Variants in HTR1F observed in about 807,000 individuals in gnomAD.
HTR1F encodes the protein 5-hydroxytryptamine receptor 1F, also known as 5-hydroxytryptamine (serotonin) receptor 1F, G protein-coupled.
A neutral mutation model predicts 24.0 loss-of-function variants in HTR1F; 17 were observed. The ratio of observed to expected loss-of-function variants is 0.71; its 90% confidence interval spans 0.48 to 1.06. HTR1F has a LOEUF of 1.06. Among genes scored for constraint, HTR1F ranks in the 50% least tolerant of loss-of-function variants. The probability of loss-of-function intolerance (pLI) is 0.00; values close to 1 mark genes in which losing one functional copy is unlikely to be tolerated. For synonymous variants in HTR1F, 186 were observed against 156.8 expected (o/e 1.19, Z -1.39); for missense variants, 391 against 427.8 (o/e 0.91, Z 0.76).
intron 2 of HTR1F, among the ~76,000 whole-genome samples, chr3:87,928,322 G>C (rs1474172356): frequency 2.0e-5 from 3 of 152,086 alleles, no homozygotes; most frequent in Non-Finnish European, 4.4e-5. Flanking sequence ...CTGGATTACA[G>C]GCACGAGCCA....
At chr3:87,884,976 C>T (rs1575986842) in intron 2 of HTR1F, among the ~76,000 whole-genome samples, 1 of 152,194 alleles carries the variant, frequency 6.6e-6, no homozygotes, top group South Asian at 2.1e-4. Flanking sequence ...GAACTCAGCT[C>T]TGCATCAAGC....
Position 87,869,420 on chromosome 3 carries a change from G to GATACATACATAC in HTR1F, c.-43+47299_-43+47300insCATACATACATA, listed in dbSNP as rs1305333411. Among the ~76,000 whole-genome samples, 250 of 136,414 alleles carry GATACATACATAC rather than the reference G, an allele frequency of 1.8e-3. 1 individual carries two copies. Among genetic ancestry groups the GATACATACATAC allele is most frequent in the African/African-American group, 7.0e-3 (237 of 33,668 alleles). 89.5% of individuals were successfully genotyped at this position (136,414 alleles called of 152,430 possible). A position where few individuals can be genotyped will look rare whatever the true frequency, so the allele number is the denominator to read the frequency against. On this transcript the variant is annotated intron_variant, in intron 2 of 2. Transcript: ENST00000319595. ...AGATAGATAGATAGATAGATAGATA[G>GATACATACATAC]ATAGATAGATAGATACATAGATAGA...
chr3:87,909,986 C>A (rs1344484522), intron 2 of HTR1F, among the ~76,000 whole-genome samples: 2 of 152,038 alleles, frequency 1.3e-5, no homozygotes, highest in East Asian at 3.8e-4. Context: ...TTAATACAGA[C>A]TAACTACAAT....
At chr3:87,840,208 T>A (rs1281253189) in intron 2 of HTR1F, among the ~76,000 whole-genome samples, 1 of 152,190 alleles carries the variant, frequency 6.6e-6, no homozygotes, top group Non-Finnish European at 1.5e-5. Flanking sequence ...GGTTATTTCT[T>A]TTTTGCTTGT....
At chr3:87,990,569 C>A in intron 2 of HTR1F, 139 bp from the exon 3 acceptor site, 1 of 515,112 alleles carries the variant, frequency 1.9e-6, no homozygotes, top group Non-Finnish European at 3.4e-6. Context: ...AAACTAAAAC[C>A]TTCAATCTGA....
chr3:87,877,887 T>C (rs939848649), intron 2 of HTR1F, among the ~76,000 whole-genome samples: 1 of 152,208 alleles, frequency 6.6e-6, no homozygotes, highest in African/African-American at 2.4e-5. Flanking sequence ...TCCTGTCCAC[T>C]TCTAAATTTC....
At chr3:87,912,754 G>T (rs939391293) in intron 2 of HTR1F, among the ~76,000 whole-genome samples, 1 of 151,740 alleles carries the variant, frequency 6.6e-6, no homozygotes, top group Non-Finnish European at 1.5e-5. Flanking sequence ...TAGACCAATG[G>T]AACAGAGTGG....
At chr3:87,884,862 C>T (rs1397744867) in intron 2 of HTR1F, among the ~76,000 whole-genome samples, 3 of 152,052 alleles carry the variant, frequency 2.0e-5, no homozygotes, top group African/African-American at 7.2e-5. Flanking sequence ...CCTTAGAGAC[C>T]TACAAAAAGA....
At chr3:87,890,880 T>C (rs1038497297) in intron 2 of HTR1F, among the ~76,000 whole-genome samples, 3 of 151,596 alleles carry the variant, frequency 2.0e-5, no homozygotes, top group African/African-American at 4.8e-5. Flanking sequence ...CTTGCTCTGT[T>C]GCCCAGGCTG....
intron 2 of HTR1F, among the ~76,000 whole-genome samples, chr3:87,842,316 A>G (rs1559601720): frequency 6.6e-6 from 1 of 151,194 alleles, no homozygotes; most frequent in Non-Finnish European, 1.5e-5. Context: ...GCCCACCACC[A>G]CGCCCGGCTA....
chr3:87,947,884 A>G (rs1228398480), intron 2 of HTR1F, among the ~76,000 whole-genome samples: 3 of 152,170 alleles, frequency 2.0e-5, no homozygotes, highest in Admixed American at 6.5e-5. Flanking sequence ...CAAATCGAAT[A>G]ATGTTGATAT....
At chr3:87,986,964 G>T (rs148233738) in intron 2 of HTR1F, among the ~76,000 whole-genome samples, 1 of 151,772 alleles carries the variant, frequency 6.6e-6, no homozygotes, top group Non-Finnish European at 1.5e-5. Flanking sequence ...AAATTAGCCG[G>T]GTGTGGTGAC....
chr3:87,924,150 T>C (rs1462012023), intron 2 of HTR1F, among the ~76,000 whole-genome samples: 2 of 152,068 alleles, frequency 1.3e-5, no homozygotes, highest in East Asian at 3.9e-4. Context: ...GAAGACTTTT[T>C]ATTAATGATT....
chr3:87,869,828 A>T lies in HTR1F; in HGVS notation c.-43+47704A>T, dbSNP rs540108700. 6.6e-5 allele frequency among the ~76,000 whole-genome samples: 10 copies of T among 152,232 alleles called. No homozygotes were observed. The East Asian group carries it at 1.9e-3, about 29-fold the overall frequency. On this transcript the variant is annotated intron_variant, in intron 2 of 2. Coordinates refer to ENST00000319595, the MANE Select transcript of HTR1F (RefSeq NM_001322209.2). ...TTAATCTCACCCAAAACAACCTCTC[A>T]GAAAAACTTAAAATAATGTTTGTTC...
intron 2 of HTR1F, among the ~76,000 whole-genome samples, chr3:87,904,719 C>A (rs1004490154): frequency 6.6e-6 from 1 of 151,976 alleles, no homozygotes; most frequent in Non-Finnish European, 1.5e-5. Flanking sequence ...TAATGTTGAG[C>A]AAAAGAAGCC....
At chr3:87,831,115 C>A (rs930999174) in intron 2 of HTR1F, among the ~76,000 whole-genome samples, 8 of 151,684 alleles carry the variant, frequency 5.3e-5, no homozygotes, top group African/African-American at 1.9e-4. Flanking sequence ...TTTTCTGGCT[C>A]CTGGTAGTGT....
chr3:87,929,521 T>A (rs986094801), intron 2 of HTR1F, among the ~76,000 whole-genome samples: 2 of 152,208 alleles, frequency 1.3e-5, no homozygotes, highest in Non-Finnish European at 2.9e-5. Context: ...TGCATATGGG[T>A]AGCCAGTTAT....
At chr3:87,811,180 C>T (rs898206723) in intron 1 of HTR1F, among the ~76,000 whole-genome samples, 22 of 151,944 alleles carry the variant, frequency 1.4e-4, no homozygotes, top group African/African-American at 4.6e-4. Context: ...ATTGGAGATT[C>T]TCCAGTAGTC....
chr3:87,938,929 T>C (rs1704493712), intron 2 of HTR1F, among the ~76,000 whole-genome samples: 1 of 152,078 alleles, frequency 6.6e-6, no homozygotes, highest in African/African-American at 2.4e-5. Flanking sequence ...AAAGCAAAAA[T>C]TGACATATGG....
Sources: allele counts gnomAD v4.1 joint callset (sites outside exome capture counted in the v4.1 genomes callset), GRCh38; gene constraint gnomAD v4.1.1; transcripts MANE v1.5; gene names NCBI Gene and HGNC (gene_info 2026-07-23, HGNC 2026-07-21).